The following ZNF532 variants were observed in gnomAD, a reference collection of about 807,000 sequenced individuals.
ZNF532 encodes zinc finger protein 532.
Under a neutral mutation model 89.3 loss-of-function variants are expected in ZNF532, and 22 were observed. The observed-to-expected ratio is 0.25, with a 90% confidence interval of 0.18 to 0.35. The LOEUF (loss-of-function observed/expected upper bound fraction) is 0.35, where lower values mean the gene tolerates loss of function less well. Among genes scored for constraint, ZNF532 ranks in the 10% least tolerant of loss-of-function variants. The pLI is 1.00. For missense variants in ZNF532, 1,132 were observed against 1,643.4 expected, an observed-to-expected ratio of 0.69 and a Z score of 5.38; for synonymous variants, 606 against 649.6, an observed-to-expected ratio of 0.93 and a Z score of 1.02.
Position 58,918,825 on chromosome 18 carries a change from G to C in ZNF532, c.538G>C (p.Gly180Arg), listed in dbSNP as rs150148660. The change falls in exon 3 of 10, where the codon GGA (glycine) becomes CGA (arginine). Residue 180 changes from glycine (G) to arginine (R), a missense_variant. Physicochemically the swap from Gly to Arg is moderately radical, Grantham distance 125. Coordinates refer to ENST00000591808, the MANE Select transcript of ZNF532 (RefSeq NM_001375912.1). ...QQDYDKLKALGGENSSKTGLS... is the reference protein window; with the variant it reads ...QQDYDKLKALRGENSSKTGLS... Reference sequence around the variant, plus strand: ...GGACTACGATAAGCTGAAGGCACTCGGAGGGGAAAACTCCAGCAAAACTGG... The same window carrying C: ...GGACTACGATAAGCTGAAGGCACTCCGAGGGGAAAACTCCAGCAAAACTGG... The C allele has an allele frequency of 4.3e-6, 7 of 1,614,064 alleles. No homozygotes were observed. The highest frequency in any genetic ancestry group is 5.9e-6 in the Non-Finnish European group (7 of 1,180,050).
chr18:58,863,470 C>G (rs2144259967), upstream of ZNF532: 1 of 136,012 alleles, frequency 7.4e-6, no homozygotes, highest in Non-Finnish European at 1.6e-5. Flanking sequence ...CCCCCTCGCC[C>G]GCGCTCCCTT....
At chr18:58,890,761 C>T (rs1375719988) in intron 2 of ZNF532, among the ~76,000 whole-genome samples, 1 of 152,006 alleles carries the variant, frequency 6.6e-6, no homozygotes, top group Non-Finnish European at 1.5e-5. Flanking sequence ...TTCCTCCTCC[C>T]CCACTCCACC....
Position 58,906,154 on chromosome 18 carries a change from C to T in ZNF532, c.-17-12117C>T, listed in dbSNP as rs76470951. ...TAAAGTTGCTTTTTTCTCCCCTTTC[C>T]GTACTGTCCTCGGAAGAAAGTCATT... On this transcript the variant is annotated intron_variant, in intron 2 of 9. Coordinates refer to ENST00000591808, the MANE Select transcript of ZNF532 (RefSeq NM_001375912.1). 7.8e-3 allele frequency among the ~76,000 whole-genome samples: 1,195 copies of T among 152,248 alleles called. 11 individuals are homozygous for T. Among genetic ancestry groups the T allele is most frequent in the East Asian group, 0.041 (211 of 5,184 alleles).
intron 4 of ZNF532, among the ~76,000 whole-genome samples, chr18:58,936,514 A>G (rs535672364): frequency 2.6e-4 from 40 of 152,350 alleles, no homozygotes; most frequent in African/African-American, 9.4e-4. Context: ...CTCCACATGC[A>G]GGCTGAAAGT....
chr18:58,983,917 C>T, intron 9 of ZNF532, 55 bp from the exon 10 acceptor site: 1 of 1,546,656 alleles, frequency 6.5e-7, no homozygotes, highest in Middle Eastern at 2.5e-4. Flanking sequence ...GATCATTTAT[C>T]AACCACCGTG....
chr18:58,961,753 G>A (rs2065369747), intron 7 of ZNF532, among the ~76,000 whole-genome samples: 2 of 152,224 alleles, frequency 1.3e-5, no homozygotes, highest in African/African-American at 4.8e-5. Flanking sequence ...GAAGAGAGAA[G>A]TTGGGGTTAA....
intron 3 of ZNF532, among the ~76,000 whole-genome samples, chr18:58,931,158 A>G (rs2061930237): frequency 6.6e-6 from 1 of 152,242 alleles, no homozygotes; most frequent in Admixed American, 6.5e-5. Flanking sequence ...AAATGTCAAG[A>G]CACACATAAA....
rs529570810 is a variant in ZNF532, at chr18:58,881,993, C to T, written c.-18+16414C>T. Among the ~76,000 whole-genome samples the T allele has an allele frequency of 5.3e-5, 8 of 151,982 alleles. No homozygotes were observed. The East Asian group carries it at 5.8e-4, about 11-fold the overall frequency. ...TATTTTTTGAGACAGGGTCTTGCTC[C>T]GTCTCTTAGGCTGGGGTACAGTGGT... On this transcript the variant is annotated intron_variant, in intron 2 of 9. Coordinates refer to ENST00000591808, the MANE Select transcript of ZNF532 (RefSeq NM_001375912.1).
At position 58,919,492 on chromosome 18, in the gene ZNF532, C is replaced by T; in HGVS notation, c.1205C>T (p.Ser402Phe). 1 of 1,614,220 alleles carries T rather than the reference C, an allele frequency of 6.2e-7. No homozygotes were observed. The highest frequency in any genetic ancestry group is 8.5e-7 in the Non-Finnish European group (1 of 1,180,040). ...PSEQTASVMA[S>F]VTSLLSSPAS... ...GAGCAGACAGCGTCCGTGATGGCCT[C>T]TGTGACATCCCTTCTGTCGTCTCCA... The change falls in exon 3 of 10, where the codon TCT becomes TTT. Residue 402 changes from serine (S) to phenylalanine (F), a missense_variant. Physicochemically the swap from Ser to Phe is radical, Grantham distance 155 (BLOSUM62 -2). Coordinates refer to ENST00000591808, the MANE Select transcript of ZNF532 (RefSeq NM_001375912.1). The surrounding 1 kb of genome is among the most constrained non-coding windows in gnomAD (Gnocchi z 6.1).
At chr18:58,872,698 CTTTTTTTTT>C (rs146289274) in intron 2 of ZNF532, among the ~76,000 whole-genome samples, 2 of 138,594 alleles carry the variant, frequency 1.4e-5, no homozygotes, top group Admixed American at 7.3e-5. Flanking sequence ...CAACATTTAT[CTTTTTTTTT>C]TTTTTTTTTT....
At chr18:58,973,688 A>C (rs2147496679) in intron 7 of ZNF532, among the ~76,000 whole-genome samples, 1 of 152,346 alleles carries the variant, frequency 6.6e-6, no homozygotes, top group Non-Finnish European at 1.5e-5. Context: ...TGATTATAGT[A>C]AATGTTTATA....
chr18:58,957,326 C>T (rs2064875788), intron 7 of ZNF532, among the ~76,000 whole-genome samples: 2 of 150,916 alleles, frequency 1.3e-5, no homozygotes, highest in South Asian at 4.2e-4. Context: ...AAATATTATG[C>T]ATTAGGATAA....
chr18:58,899,550 C>T (rs1040437604), intron 2 of ZNF532, among the ~76,000 whole-genome samples: 1 of 152,110 alleles, frequency 6.6e-6, no homozygotes, highest in African/African-American at 2.4e-5. Context: ...CTCACTGCAA[C>T]CTCTGCCTCC....
At chr18:58,978,117 C>A (rs947639451) in intron 7 of ZNF532, among the ~76,000 whole-genome samples, 1 of 152,184 alleles carries the variant, frequency 6.6e-6, no homozygotes, top group Non-Finnish European at 1.5e-5. Context: ...AACATAATAT[C>A]TCAGCCTGAG....
At chr18:58,888,741 T>TTATATATATATATAAAATATATATATAA (rs2058530831) in intron 2 of ZNF532, among the ~76,000 whole-genome samples, 3 of 30,442 alleles carry the variant, frequency 9.9e-5, no homozygotes, top group Non-Finnish European at 1.5e-4. Flanking sequence ...TATATATATA[T>TTATATATATATATAAAATATATATATAA]TTTATATATA....
chr18:58,933,735 G>A (rs1411129405), intron 3 of ZNF532, among the ~76,000 whole-genome samples: 1 of 152,142 alleles, frequency 6.6e-6, no homozygotes, highest in Non-Finnish European at 1.5e-5. Flanking sequence ...GATAGTTACT[G>A]ATATAGAGCC....
intron 2 of ZNF532, among the ~76,000 whole-genome samples, chr18:58,893,746 C>CT (rs2059065957): frequency 1.3e-5 from 2 of 151,820 alleles, no homozygotes; most frequent in African/African-American, 2.4e-5. Context: ...GTTAGGACTG[C>CT]TTAAGAGCTA....
chr18:58,969,970 C>T (rs2066307494), intron 7 of ZNF532, among the ~76,000 whole-genome samples: 1 of 149,964 alleles, frequency 6.7e-6, no homozygotes, highest in Admixed American at 6.6e-5. Context: ...CTGCAACCTC[C>T]CACTCTGGGT....
chr18:58,897,470 AAAT>A (rs1364833646), intron 2 of ZNF532, among the ~76,000 whole-genome samples: 1 of 152,230 alleles, frequency 6.6e-6, no homozygotes, highest in Non-Finnish European at 1.5e-5. Flanking sequence ...ATTTTCTGAC[AAAT>A]AATAGAATTT....
Sources: gnomAD v4.1 joint callset for allele counts (sites outside exome capture counted in the v4.1 genomes callset) on GRCh38, gnomAD v4.1.1 for gene constraint, Gnocchi (gnomAD v3.1) non-coding constraint, MANE v1.5 for transcripts, NCBI Gene and HGNC (gene_info 2026-07-23, HGNC 2026-07-21) for gene names.